The following FAM220A variants were observed in gnomAD, a reference collection of about 807,000 sequenced individuals.
The protein encoded by FAM220A is family with sequence similarity 220 member A.
For synonymous variants in FAM220A, 141 were observed against 130.7 expected, an observed-to-expected ratio of 1.08 and a Z score of -0.54; for missense variants, 392 against 321.6, an observed-to-expected ratio of 1.22 and a Z score of -1.68.
intron 1 of FAM220A, among the ~76,000 whole-genome samples, chr7:6,348,055 C>G (rs907117782): frequency 2.0e-5 from 3 of 151,532 alleles, no homozygotes; most frequent in African/African-American, 7.3e-5. Flanking sequence ...GGATTACAGG[C>G]ACGCGCCACC....
Position 6,331,181 on chromosome 7 carries a change from C to T in FAM220A, c.-27G>A, listed in dbSNP as rs1286760166. 1 of 1,593,256 alleles carries T rather than the reference C, an allele frequency of 6.3e-7. No individual in the cohort carries two copies. The highest frequency in any genetic ancestry group is 1.3e-5 in the African/African-American group (1 of 74,318). On this transcript the variant is annotated 5_prime_UTR_variant, in exon 2 of 2. Coordinates refer to ENST00000313324, the MANE Select transcript of FAM220A (RefSeq NM_001037163.2). ...CTTCGTGTTCTTGGATGCGGTGGGC[C>T]TGAGGTCACGCCTTCGTCAGTCTGG... is the stretch of plus-strand genomic sequence containing the variant.
At position 6,341,687 on chromosome 7, in the gene FAM220A, C is replaced by CAA. The variant is rs536695454; in HGVS notation, c.-82+6884_-82+6885dup. ...CCTGGGCCACAGAGCAAGACTCTGTCAAAAAAAAAAAAAAAAATTATGAGT... is the reference window on the plus strand; with the variant it reads ...CCTGGGCCACAGAGCAAGACTCTGTCAAAAAAAAAAAAAAAAAAATTATGAGT... On this transcript the variant is annotated intron_variant, in intron 1 of 1. Coordinates refer to ENST00000313324, the MANE Select transcript of FAM220A (RefSeq NM_001037163.2). Among the ~76,000 whole-genome samples the CAA allele has an allele frequency of 2.7e-4, 30 of 110,708 alleles. No homozygotes were observed. In the East Asian group the frequency reaches 4.1e-3, roughly 15 times the overall value. 72.6% of individuals were successfully genotyped at this position (110,708 alleles called of 152,430 possible). A position where few individuals can be genotyped will look rare whatever the true frequency, so the allele number is the denominator to read the frequency against.
chr7:6,331,053 C>T lies in FAM220A; in HGVS notation c.102G>A (p.Met34Ile). 6.2e-7 allele frequency: 1 copy of T among 1,613,900 alleles called. No homozygotes were observed. The highest frequency in any genetic ancestry group is 8.5e-7 in the Non-Finnish European group (1 of 1,180,046). The change falls in exon 2 of 2, where the codon ATG becomes ATA. Residue 34 changes from methionine (M) to isoleucine (I), a missense_variant. By Grantham distance (10) the Met-to-Ile change is conservative (BLOSUM62 1). Coordinates refer to ENST00000313324, the MANE Select transcript of FAM220A (RefSeq NM_001037163.2). ...DKLSCSLKKR[M>I]PEGPWPADAP... is the part of the protein sequence containing the mutation. ...CATCTGCAGGCCAAGGGCCCTCCGG[C>T]ATTCTTTTCTTAAGGCTGCATGATA...
At chr7:6,341,606 C>G (rs539657016) in intron 1 of FAM220A, among the ~76,000 whole-genome samples, 2 of 142,216 alleles carry the variant, frequency 1.4e-5, no homozygotes, top group East Asian at 4.3e-4. Flanking sequence ...AGGGGAATGG[C>G]GTGAACCCAG....
intron 1 of FAM220A, among the ~76,000 whole-genome samples, chr7:6,332,020 G>T (rs909407788): frequency 2.6e-5 from 4 of 151,374 alleles, no homozygotes; most frequent in African/African-American, 9.7e-5. Flanking sequence ...GCTGAGGTGG[G>T]AGAATCGCTT....
At chr7:6,337,702 C>G (rs1781773567) in intron 1 of FAM220A, among the ~76,000 whole-genome samples, 1 of 151,602 alleles carries the variant, frequency 6.6e-6, no homozygotes, top group Admixed American at 6.6e-5. Flanking sequence ...TGTATTCAAT[C>G]ATGATAGAAT....
chr7:6,332,069 G>A (rs111970359), intron 1 of FAM220A, among the ~76,000 whole-genome samples: 10,775 of 149,414 alleles, frequency 0.072, 742 homozygotes, highest in African/African-American at 0.18. Flanking sequence ...CCGAGATCAT[G>A]CCACTGCACT....
chr7:6,339,130 C>T (rs774543111), intron 1 of FAM220A, among the ~76,000 whole-genome samples: 1 of 152,192 alleles, frequency 6.6e-6, no homozygotes, highest in Non-Finnish European at 1.5e-5. Flanking sequence ...AAGGAACACA[C>T]TAACATCACT....
chr7:6,331,289 A>C (rs1452805709), intron 1 of FAM220A, 54 bp from the exon 2 acceptor site: 2 of 786,070 alleles, frequency 2.5e-6, no homozygotes, highest in Non-Finnish European at 4.0e-6. Context: ...GGGTCTTAAG[A>C]GCATCTACAC....
chr7:6,345,848 A>G (rs961046632), intron 1 of FAM220A, among the ~76,000 whole-genome samples: 5 of 151,922 alleles, frequency 3.3e-5, no homozygotes, highest in Non-Finnish European at 5.9e-5. Flanking sequence ...GGCTCACTGC[A>G]ACCTCCATCT....
intron 1 of FAM220A, among the ~76,000 whole-genome samples, chr7:6,346,224 G>C (rs1224539127): frequency 6.6e-6 from 1 of 152,084 alleles, no homozygotes; most frequent in East Asian, 1.9e-4. Context: ...CCCCTGAACT[G>C]ACACAGGAGC....
intron 1 of FAM220A, among the ~76,000 whole-genome samples, chr7:6,335,732 C>G (rs941512210): frequency 6.6e-6 from 1 of 152,054 alleles, no homozygotes; most frequent in Non-Finnish European, 1.5e-5. Context: ...CTATATAATT[C>G]ACTAAAATAT....
chr7:6,348,238 G>C (rs551048366), intron 1 of FAM220A, among the ~76,000 whole-genome samples: 46 of 151,074 alleles, frequency 3.0e-4, no homozygotes, highest in African/African-American at 1.1e-3. Context: ...AATAAGGGGG[G>C]GGGTTGCAAA....
intron 1 of FAM220A, among the ~76,000 whole-genome samples, chr7:6,332,321 G>C (rs1781653650): frequency 6.6e-6 from 1 of 151,914 alleles, no homozygotes; most frequent in African/African-American, 2.4e-5. Context: ...AGTCTAATTA[G>C]TTTAATTAAA....
Position 6,339,924 on chromosome 7 carries a change from G to C in FAM220A, c.-82+8649C>G, listed in dbSNP as rs767127714. ...CAGGGAGCATGAGTCTCACTCTGCC[G>C]CCCAGGCTGGAGTGCAGCTGCATGA... is the stretch of plus-strand genomic sequence containing the variant. On this transcript the variant is annotated intron_variant, in intron 1 of 1. Coordinates refer to ENST00000313324, the MANE Select transcript of FAM220A (RefSeq NM_001037163.2). Among the ~76,000 whole-genome samples, 75 of 152,100 alleles carry C rather than the reference G, an allele frequency of 4.9e-4. 1 individual carries two copies. Among genetic ancestry groups the C allele is most frequent in the African/African-American group, 1.8e-3 (73 of 41,486 alleles).
At chr7:6,332,526 C>T (rs1183001231) in intron 1 of FAM220A, among the ~76,000 whole-genome samples, 1 of 151,908 alleles carries the variant, frequency 6.6e-6, no homozygotes, top group Admixed American at 6.6e-5. Context: ...TAAAAAACAC[C>T]ACCACCCTCA....
rs752483191 is a variant in FAM220A at position 6,335,256 on chromosome 7, CTT to C, written c.-81-4023_-81-4022del. Among the ~76,000 whole-genome samples the C allele has an allele frequency of 7.5e-4, 113 of 151,508 alleles. 1 individual carries two copies. The highest frequency in any genetic ancestry group is 1.2e-3 in the Non-Finnish European group (83 of 67,906). On this transcript the variant is annotated intron_variant, in intron 1 of 1. Coordinates refer to ENST00000313324, the MANE Select transcript of FAM220A (RefSeq NM_001037163.2). ...TTTTTTTTTTAAATGGAGTCTCGCTCTTGTTGCCCAGGCTGGAGGGCAATGGC... is the reference window on the plus strand; with the variant it reads ...TTTTTTTTTTAAATGGAGTCTCGCTCGTTGCCCAGGCTGGAGGGCAATGGC...
intron 1 of FAM220A, among the ~76,000 whole-genome samples, chr7:6,337,294 GTA>G (rs756230829): frequency 8.6e-5 from 13 of 151,882 alleles, no homozygotes; most frequent in Non-Finnish European, 1.5e-4. Flanking sequence ...CATTAATTTT[GTA>G]TTTTGAGTAG....
intron 1 of FAM220A, among the ~76,000 whole-genome samples, chr7:6,347,980 G>C (rs1282810515): frequency 6.6e-6 from 1 of 150,630 alleles, no homozygotes. Flanking sequence ...GAGCGATCTC[G>C]GCTCACCGCA....
Sources: gnomAD v4.1 joint callset for allele counts (sites outside exome capture counted in the v4.1 genomes callset) on GRCh38, gnomAD v4.1.1 for gene constraint, MANE v1.5 for transcripts, NCBI Gene and HGNC (gene_info 2026-07-23, HGNC 2026-07-21) for gene names.